Variants in CACNG5 observed in about 807,000 individuals in gnomAD.
The protein encoded by CACNG5 is voltage-dependent calcium channel gamma-5 subunit.
Under a neutral mutation model 24.8 loss-of-function variants are expected in CACNG5, and 18 were observed. The ratio of observed to expected loss-of-function variants is 0.73; its 90% CI spans 0.50 to 1.08. The LOEUF (loss-of-function observed/expected upper bound fraction) is 1.08. CACNG5 is among the 50% of genes least tolerant of loss of function. CACNG5 has a pLI of 0.00. For synonymous variants in CACNG5, 157 were observed against 149.1 expected (o/e 1.05, Z -0.39); for missense variants, 349 against 367.9 (o/e 0.95, Z 0.42).
At chr17:66,844,479 A>C (rs1286269723) in intron 1 of CACNG5, among the ~76,000 whole-genome samples, 1 of 152,210 alleles carries the variant, frequency 6.6e-6, no homozygotes, top group Non-Finnish European at 1.5e-5. Flanking sequence ...GAGAAGACAG[A>C]TGTCATACAA....
chr17:66,870,041 C>T (rs919756370), intron 1 of CACNG5, among the ~76,000 whole-genome samples: 21 of 151,818 alleles, frequency 1.4e-4, no homozygotes, highest in Non-Finnish European at 2.1e-4. Flanking sequence ...TGAGATTGCG[C>T]CACTGCACTC....
At chr17:66,855,372 C>T (rs542558929) in intron 1 of CACNG5, among the ~76,000 whole-genome samples, 3 of 152,354 alleles carry the variant, frequency 2.0e-5, no homozygotes, top group Admixed American at 6.5e-5. Flanking sequence ...TCAGGCTCTT[C>T]AGGTCTCTGG....
chr17:66,874,019 G>C (rs545715351), intron 1 of CACNG5, among the ~76,000 whole-genome samples: 37 of 151,004 alleles, frequency 2.5e-4, no homozygotes, highest in Non-Finnish European at 1.3e-4. Context: ...CCCCACTTTG[G>C]ATAAACTCAT....
At chr17:66,856,453 G>A (rs1033142662) in intron 1 of CACNG5, among the ~76,000 whole-genome samples, 3 of 151,960 alleles carry the variant, frequency 2.0e-5, no homozygotes, top group African/African-American at 7.2e-5. Context: ...TAGTACAAAG[G>A]GATATCCTGG....
intron 1 of CACNG5, among the ~76,000 whole-genome samples, chr17:66,872,802 A>G (rs896523982): frequency 6.6e-6 from 1 of 152,184 alleles, no homozygotes; most frequent in African/African-American, 2.4e-5. Flanking sequence ...ACCAGAAGAT[A>G]TGACTGGATG....
chr17:66,862,498 C>CAT (rs749242505), intron 1 of CACNG5, among the ~76,000 whole-genome samples: 7 of 151,842 alleles, frequency 4.6e-5, no homozygotes, highest in Admixed American at 6.6e-5. Flanking sequence ...TACATAAACA[C>CAT]ATATATATAA....
Position 66,893,574 on chromosome 17 carries a change from C to T in CACNG5, c.*8334C>T, listed in dbSNP as rs952016887. On this transcript the variant is annotated 3_prime_UTR_variant, in exon 6 of 6. Coordinates refer to ENST00000533854, the MANE Select transcript of CACNG5 (RefSeq NM_145811.3). The stretch of plus-strand genomic sequence containing the variant: ...GGGGTCATCTGATGCATCCTACCAA[C>T]GTGACCCCAAGGAAAGTGCTGGAGG... Among the ~76,000 whole-genome samples, 6 of 152,200 alleles carry T rather than the reference C, an allele frequency of 3.9e-5. No homozygotes were observed. Among genetic ancestry groups the T allele is most frequent in the Admixed American group, 2.0e-4 (3 of 15,274 alleles).
intron 1 of CACNG5, among the ~76,000 whole-genome samples, chr17:66,875,826 C>G (rs3760264): frequency 0.04 from 6,028 of 152,304 alleles, 164 homozygotes; most frequent in East Asian, 0.12. Flanking sequence ...GGATAGCAAA[C>G]TTGCAGCCAA....
intron 1 of CACNG5, among the ~76,000 whole-genome samples, chr17:66,870,015 G>A (rs113059088): frequency 7.9e-5 from 12 of 152,012 alleles, no homozygotes; most frequent in South Asian, 2.1e-4. Context: ...CCCGGGAGGC[G>A]GAGGTTGCAG....
intron 4 of CACNG5, 62 bp downstream of exon 4, chr17:66,880,759 T>C (rs1382252250): frequency 1.3e-6 from 2 of 1,588,196 alleles, no homozygotes; most frequent in South Asian, 1.1e-5. Flanking sequence ...TTTTTGTTTT[T>C]GAGACAGAGT....
At chr17:66,844,250 A>C (rs1049508970) in intron 1 of CACNG5, among the ~76,000 whole-genome samples, 2 of 152,222 alleles carry the variant, frequency 1.3e-5, no homozygotes, top group African/African-American at 2.4e-5. Flanking sequence ...TGCTGTAAGC[A>C]TTAGCTTGGG....
intron 3 of CACNG5, among the ~76,000 whole-genome samples, chr17:66,879,382 T>C (rs928714739): frequency 1.3e-5 from 2 of 152,172 alleles, no homozygotes; most frequent in African/African-American, 4.8e-5. Context: ...AATGCAATTC[T>C]GATGCTAATC....
chr17:66,888,929 C>T lies in CACNG5; in HGVS notation c.*3689C>T, dbSNP rs1598067986. On this transcript the variant is annotated 3_prime_UTR_variant, in exon 6 of 6. Transcript: ENST00000533854. ...TTGACCTTAGCCATTAGGCTGATGC[C>T]CTTTGAATTTAGGTGGTTTTTGATC... Among the ~76,000 whole-genome samples, 1 of 151,968 alleles carries T rather than the reference C, an allele frequency of 6.6e-6. No homozygotes were observed. The highest frequency in any genetic ancestry group is 2.4e-5 in the African/African-American group (1 of 41,360).
Position 66,884,578 on chromosome 17 carries a change from A to G in CACNG5, c.487A>G (p.Arg163Gly). The G allele has an allele frequency of 6.2e-7, 1 of 1,614,158 alleles. No individual in the cohort carries two copies. Among genetic ancestry groups the G allele is most frequent in the East Asian group, 2.2e-5 (1 of 44,878 alleles). The change falls in exon 5 of 6, where the codon AGG becomes GGG. Residue 163 changes from arginine to glycine, a missense_variant. Arg to Gly is a moderately radical substitution (Grantham distance 125, BLOSUM62 -2). Coordinates refer to ENST00000533854, the MANE Select transcript of CACNG5 (RefSeq NM_145811.3). The stretch of plus-strand genomic sequence containing the variant: ...CAGCATCAACGATGAGATGCTCAAC[A>G]GGACCAAGGATGCAGAGACCTACTT... Reference protein sequence around the residue: ...ISSINDEMLNRTKDAETYFNY... With the variant: ...ISSINDEMLNGTKDAETYFNY...
At position 66,888,538 on chromosome 17, in the gene CACNG5, C is replaced by A. The variant is rs1269671944; in HGVS notation, c.*3298C>A. ...CAGCCTGGGTGACAGAGCGAGACTC[C>A]GTCTCAAAAAAAAAAAAAAAAAAAA... On this transcript the variant is annotated 3_prime_UTR_variant, in exon 6 of 6. Transcript: ENST00000533854. Among the ~76,000 whole-genome samples the A allele has an allele frequency of 8.2e-5, 9 of 110,122 alleles. No individual in the cohort carries two copies. The highest frequency in any genetic ancestry group is 3.1e-4 in the African/African-American group (8 of 26,048). The allele number at this position is 110,122 out of a possible 152,430, so 72.2% of individuals were successfully genotyped here.
rs1187835289 is a variant in CACNG5 at position 66,890,780 on chromosome 17, C to G, written c.*5540C>G. Among the ~76,000 whole-genome samples, 1 of 152,124 alleles carries G rather than the reference C, an allele frequency of 6.6e-6. No individual in the cohort carries two copies. The highest frequency in any genetic ancestry group is 1.5e-5 in the Non-Finnish European group (1 of 67,996). On this transcript the variant is annotated 3_prime_UTR_variant, in exon 6 of 6. Transcript: ENST00000533854. ...GGGAGTGTAGATAAAATCACCTCAT[C>G]AGGCTCTATCCCCAGACTCTATACC...
intron 1 of CACNG5, among the ~76,000 whole-genome samples, chr17:66,872,071 T>G (rs1380513848): frequency 1.3e-5 from 2 of 152,176 alleles, no homozygotes; most frequent in African/African-American, 2.4e-5. Flanking sequence ...TACATGTTCT[T>G]TGAGAAGCTT....
chr17:66,878,971 G>A lies in CACNG5; in HGVS notation c.197-1G>A, dbSNP rs1158433950. The A allele has an allele frequency of 1.2e-6, 2 of 1,611,104 alleles. No individual in the cohort carries two copies. The highest frequency in any genetic ancestry group is 1.1e-5 in the South Asian group (1 of 90,876). On this transcript the variant is annotated splice_acceptor_variant, in intron 2 of 5. Coordinates refer to ENST00000533854, the MANE Select transcript of CACNG5 (RefSeq NM_145811.3). LOFTEE classifies it high-confidence loss of function. ...TGGAAATGTGATTCTTGTCTCCACA[G>A]GTGAGGAGCGGGGGCGTTGCTTCAC... is the stretch of plus-strand genomic sequence containing the variant.
rs921270423 is a variant in CACNG5 at position 66,894,692 on chromosome 17, T to A, written c.*9452T>A. On this transcript the variant is annotated 3_prime_UTR_variant, in exon 6 of 6. Coordinates refer to ENST00000533854, the MANE Select transcript of CACNG5 (RefSeq NM_145811.3). ...TATATTTTTGTTTCTATGTGCTCCT[T>A]AAATGTATATTGTTTTCTGGCATGT... 1.3e-5 allele frequency among the ~76,000 whole-genome samples: 2 copies of A among 152,188 alleles called. No homozygotes were observed. Among genetic ancestry groups the A allele is most frequent in the Non-Finnish European group, 2.9e-5 (2 of 68,026 alleles).
Sources: gnomAD v4.1 joint callset for allele counts (sites outside exome capture counted in the v4.1 genomes callset) on GRCh38, gnomAD v4.1.1 for gene constraint, MANE v1.5 for transcripts, NCBI Gene and HGNC (gene_info 2026-07-23, HGNC 2026-07-21) for gene names.